ZNF516: variants seen among roughly 807,000 people sequenced by gnomAD.
The protein encoded by ZNF516 is zinc finger protein 516.
A neutral mutation model predicts 79.7 loss-of-function variants in ZNF516; 19 were observed. The ratio of observed to expected loss-of-function variants is 0.24; its 90% CI spans 0.17 to 0.35. The LOEUF is 0.35. Ranked by LOEUF, ZNF516 falls within the 10% of genes least tolerant of loss-of-function variation. ZNF516 has a pLI of 1.00. For missense variants in ZNF516, 1,678 were observed against 1,679.5 expected (o/e 1.00, Z 0.02); for synonymous variants, 877 against 739.5 (o/e 1.19, Z -3.02).
At chr18:76,476,138 T>C (rs906187188) in intron 1 of ZNF516, among the ~76,000 whole-genome samples, 3 of 152,114 alleles carry the variant, frequency 2.0e-5, no homozygotes, top group African/African-American at 7.3e-5. Context: ...GCAAGGAGAA[T>C]GTTGCCCTAA....
In ZNF516 at chr18:76,405,447, G is replaced by A. The variant is rs577315444; in HGVS notation, c.1811-25144C>T. Among the ~76,000 whole-genome samples, 360 of 152,226 alleles carry A rather than the reference G, an allele frequency of 2.4e-3. 1 individual carries two copies. The highest frequency in any genetic ancestry group is 4.2e-3 in the Non-Finnish European group (286 of 68,024). On this transcript the variant is annotated intron_variant, in intron 3 of 6. Coordinates refer to ENST00000443185, the MANE Select transcript of ZNF516 (RefSeq NM_014643.4). ...GAGGCACCGACAGGGCGTGGGCAAC[G>A]GCAGGAGACTCCGCAGTGCATCAGC...
chr18:76,399,291 T>C (rs1003904118), intron 3 of ZNF516, among the ~76,000 whole-genome samples: 3 of 152,254 alleles, frequency 2.0e-5, no homozygotes, highest in Non-Finnish European at 4.4e-5. Flanking sequence ...ACTGTCAGTA[T>C]AGCAATGCAT....
At chr18:76,435,810 C>T (rs1372087046) in intron 3 of ZNF516, among the ~76,000 whole-genome samples, 2 of 152,306 alleles carry the variant, frequency 1.3e-5, no homozygotes, top group South Asian at 2.1e-4. Context: ...AGCCTGCAAT[C>T]GGCCTGCAGC....
intron 3 of ZNF516, among the ~76,000 whole-genome samples, chr18:76,398,683 C>T (rs1323031141): frequency 6.6e-6 from 1 of 152,150 alleles, no homozygotes; most frequent in Non-Finnish European, 1.5e-5. Context: ...ACAATTAAAC[C>T]ACTTGTGTGT....
At chr18:76,386,657 G>A (rs1178837714) in intron 3 of ZNF516, 1 of 152,110 alleles carries the variant, frequency 6.6e-6, no homozygotes, top group Non-Finnish European at 1.5e-5. Context: ...ACCAGAAAGA[G>A]GCCCTTTAAT....
chr18:76,413,606 C>G (rs1356486707), intron 3 of ZNF516, among the ~76,000 whole-genome samples: 2 of 152,180 alleles, frequency 1.3e-5, no homozygotes, highest in Non-Finnish European at 2.9e-5. Context: ...TTCATCCCCT[C>G]GAATACCTCA....
At chr18:76,396,784 G>A (rs1191937596) in intron 3 of ZNF516, among the ~76,000 whole-genome samples, 1 of 152,206 alleles carries the variant, frequency 6.6e-6, no homozygotes, top group Admixed American at 6.5e-5. Context: ...GGAGAAGAGA[G>A]GCCATTCCAC....
At chr18:76,402,027 G>A (rs544599922) in intron 3 of ZNF516, among the ~76,000 whole-genome samples, 22 of 152,084 alleles carry the variant, frequency 1.4e-4, no homozygotes, top group African/African-American at 2.4e-4. Context: ...GTACACGTGC[G>A]CGCATGTGTG....
At chr18:76,386,851 T>G (rs2075000025) in intron 3 of ZNF516, 1 of 152,194 alleles carries the variant, frequency 6.6e-6, no homozygotes, top group South Asian at 2.1e-4. Context: ...CTTAAATATT[T>G]TATTCTATAA....
At position 76,379,048 on chromosome 18, in the gene ZNF516, G is replaced by A. The variant is rs374668991; in HGVS notation, c.3066C>T (p.Gly1022=). The part of the protein sequence containing the change: ...TLATCAAGSR[G]DAALQAQPGV... ...CGGGCTGGGCCTGCAAGGCCGCGTCGCCCCTGGACCCCGCAGCACAGGTGG... is the reference window on the plus strand; with the variant it reads ...CGGGCTGGGCCTGCAAGGCCGCGTCACCCCTGGACCCCGCAGCACAGGTGG... Residue 1022 remains glycine (G), a synonymous_variant, in exon 4 of 7, where the codon GGC becomes GGT. Coordinates refer to ENST00000443185, the MANE Select transcript of ZNF516 (RefSeq NM_014643.4). 213 of 1,610,346 alleles carry A rather than the reference G, an allele frequency of 1.3e-4. No homozygotes were observed. Among genetic ancestry groups the A allele is most frequent in the Middle Eastern group, 6.6e-4 (4 of 6,022 alleles).
At chr18:76,440,974 C>A (rs1266663569) in intron 3 of ZNF516, among the ~76,000 whole-genome samples, 1 of 152,164 alleles carries the variant, frequency 6.6e-6, no homozygotes, top group Non-Finnish European at 1.5e-5. Flanking sequence ...GTGTCTGTGT[C>A]TGCACTCCAA....
chr18:76,434,825 A>G (rs765087701), intron 3 of ZNF516, among the ~76,000 whole-genome samples: 1 of 152,276 alleles, frequency 6.6e-6, no homozygotes, highest in Non-Finnish European at 1.5e-5. Context: ...GAGCAAGGAC[A>G]GCAGCTTCGG....
chr18:76,425,180 A>G (rs2075577434), intron 3 of ZNF516, among the ~76,000 whole-genome samples: 3 of 152,168 alleles, frequency 2.0e-5, no homozygotes, highest in Admixed American at 2.0e-4. Flanking sequence ...CTCAAAAAAA[A>G]GAAAAAAAAA....
chr18:76,378,536 G>A (rs545750295), intron 4 of ZNF516, among the ~76,000 whole-genome samples: 12 of 152,310 alleles, frequency 7.9e-5, no homozygotes, highest in African/African-American at 2.6e-4. Flanking sequence ...GCGGAATGTC[G>A]GTGTGGAGGA....
rs959898222 is a variant in ZNF516 at position 76,398,174 on chromosome 18, G to A, written c.1811-17871C>T. The stretch of plus-strand genomic sequence containing the variant: ...CGCTCAGGTTTGGTTTTTCTGTTGT[G>A]AATCAAATGCTGAAGTGAATCGAAT... On this transcript the variant is annotated intron_variant, in intron 3 of 6. Coordinates refer to ENST00000443185, the MANE Select transcript of ZNF516 (RefSeq NM_014643.4). Among the ~76,000 whole-genome samples the A allele has an allele frequency of 5.3e-5, 8 of 152,160 alleles. 1 individual carries two copies. Among genetic ancestry groups the A allele is most frequent in the Non-Finnish European group, 7.3e-5 (5 of 68,028 alleles).
intron 1 of ZNF516, among the ~76,000 whole-genome samples, chr18:76,466,072 G>T (rs1599134588): frequency 6.6e-6 from 1 of 152,146 alleles, no homozygotes; most frequent in East Asian, 1.9e-4. Context: ...ATTTTCTGAT[G>T]ATCAACTGTT....
chr18:76,413,023 C>T (rs543544131), intron 3 of ZNF516, among the ~76,000 whole-genome samples: 74 of 152,368 alleles, frequency 4.9e-4, no homozygotes, highest in Non-Finnish European at 9.6e-4. Flanking sequence ...ACATGAGACA[C>T]TGCACCTGCC....
intron 3 of ZNF516, among the ~76,000 whole-genome samples, chr18:76,390,277 T>C (rs1475242917): frequency 6.6e-6 from 1 of 152,198 alleles, no homozygotes; most frequent in Non-Finnish European, 1.5e-5. Context: ...CATTTTGATA[T>C]GAGAATGAGC....
rs1915348436 is a variant in ZNF516 at position 76,493,384 on chromosome 18, A to G, written c.-272+1760T>C. On this transcript the variant is annotated intron_variant, in intron 1 of 6. Coordinates refer to ENST00000443185, the MANE Select transcript of ZNF516 (RefSeq NM_014643.4). The surrounding 1 kb of genome is among the most constrained non-coding windows in gnomAD (Gnocchi z 5.2). ...GAAAGAGTTGCTCTCTACACCGAAA[A>G]GGGACTTTGACCTTCCATTGATCTC... is the stretch of plus-strand genomic sequence containing the variant. 1 of 166,654 alleles carries G rather than the reference A, an allele frequency of 6.0e-6. No homozygotes were observed. Among genetic ancestry groups the G allele is most frequent in the Non-Finnish European group, 1.2e-5 (1 of 81,368 alleles). The allele number at this position is 166,654 out of a possible 1,614,324, so 10.3% of individuals were successfully genotyped here.
Sources: allele counts gnomAD v4.1 joint callset (sites outside exome capture counted in the v4.1 genomes callset), GRCh38; gene constraint gnomAD v4.1.1; non-coding constraint Gnocchi (gnomAD v3.1); transcripts MANE v1.5; gene names NCBI Gene and HGNC (gene_info 2026-07-23, HGNC 2026-07-21).